FADS1: variants seen among roughly 807,000 people sequenced by gnomAD.
FADS1 encodes acyl-CoA (8-3)-desaturase.
Under a neutral mutation model 61.6 loss-of-function variants are expected in FADS1, and 17 were observed. That is an observed-to-expected ratio of 0.28 (90% CI 0.19 to 0.41). The LOEUF (loss-of-function observed/expected upper bound fraction) is 0.41. Ranked by LOEUF, FADS1 falls within the 10% of genes least tolerant of loss-of-function variation. FADS1 has a pLI of 1.00. For missense variants in FADS1, 387 were observed against 650.9 expected (o/e 0.59, Z 4.41); for synonymous variants, 238 against 258.7 (o/e 0.92, Z 0.77).
chr11:61,809,502 C>A (rs2066917924), intron 5 of FADS1, among the ~76,000 whole-genome samples: 1 of 152,156 alleles, frequency 6.6e-6, no homozygotes. Flanking sequence ...CCAACTGCGT[C>A]CCTTCATTCT....
Position 61,804,853 on chromosome 11 carries a change from G to C in FADS1, c.977-92C>G, listed in dbSNP as rs1332944348. 5.5e-6 allele frequency: 6 copies of C among 1,084,578 alleles called. No individual in the cohort carries two copies. The South Asian group carries it at 7.6e-5, about 14-fold the overall frequency. The allele number at this position is 1,084,578 out of a possible 1,614,324, so 67.2% of individuals were successfully genotyped here. A position where few individuals can be genotyped will look rare whatever the true frequency, so the allele number is the denominator to read the frequency against. ...TTGGGAGAGATGGCCTCTAGCAGGGGGCTGCCTCTTCCAACCATCCCTTCT... is the reference window on the plus strand; with the variant it reads ...TTGGGAGAGATGGCCTCTAGCAGGGCGCTGCCTCTTCCAACCATCCCTTCT... On this transcript the variant is annotated intron_variant, in intron 6 of 11. Coordinates refer to ENST00000350997, the MANE Select transcript of FADS1 (RefSeq NM_013402.7).
chr11:61,806,166 C>T (rs1036375959), intron 6 of FADS1: 46 of 155,150 alleles, frequency 3.0e-4, no homozygotes, highest in Non-Finnish European at 5.4e-4. Context: ...AGGTGAAACC[C>T]CGTCTCTACT....
chr11:61,813,528 T>C, intron 1 of FADS1, 175 bp from the exon 2 acceptor site: 1 of 590,412 alleles, frequency 1.7e-6, no homozygotes, highest in Non-Finnish European at 3.0e-6. Flanking sequence ...TTTCTGTAGC[T>C]AGAGGTTTGT....
chr11:61,816,980 T>C lies in FADS1; in HGVS notation c.-51A>G. The C allele has an allele frequency of 1.5e-6, 2 of 1,351,374 alleles. No homozygotes were observed. The highest frequency in any genetic ancestry group is 1.8e-5 in the South Asian group (1 of 55,028). The allele number at this position is 1,351,374 out of a possible 1,614,324, so 83.7% of individuals were successfully genotyped here. A position where few individuals can be genotyped will look rare whatever the true frequency, so the allele number is the denominator to read the frequency against. ...CGAGATCCCGTCCCCCGGTGGGTCT[T>C]GGGCAACTCACAGCTGGGCTGCCAA... On this transcript the variant is annotated 5_prime_UTR_variant, in exon 1 of 12. Coordinates refer to ENST00000350997, the MANE Select transcript of FADS1 (RefSeq NM_013402.7). The surrounding 1 kb of genome is among the most constrained non-coding windows in gnomAD (Gnocchi z 7.0).
Position 61,813,837 on chromosome 11 carries a change from C to T in FADS1, c.376-484G>A, listed in dbSNP as rs369622258. Among the ~76,000 whole-genome samples the T allele has an allele frequency of 9.6e-4, 145 of 151,750 alleles. 1 individual carries two copies. The highest frequency in any genetic ancestry group is 1.6e-3 in the Non-Finnish European group (107 of 67,926). The stretch of plus-strand genomic sequence containing the variant: ...AAAATTAGCCGGGCGAGGTAGCGGG[C>T]GCCTGTAGTCCCAGCTACTCGGGAG... On this transcript the variant is annotated intron_variant, in intron 1 of 11. Coordinates refer to ENST00000350997, the MANE Select transcript of FADS1 (RefSeq NM_013402.7).
intron 7 of FADS1, chr11:61,804,235 C>T: frequency 4.8e-6 from 1 of 207,870 alleles, no homozygotes. Context: ...CCACCTCTGC[C>T]TGTCAGAAAC....
Position 61,803,154 on chromosome 11 carries a change from G to T in FADS1, c.1249-43C>A. 1 of 1,586,522 alleles carries T rather than the reference G, an allele frequency of 6.3e-7. No homozygotes were observed. The highest frequency in any genetic ancestry group is 8.7e-7 in the Non-Finnish European group (1 of 1,155,420). ...GGGAGAGCATGTTGAATATCAGATG[G>T]AAAGGCCAGCCCAGCATTCTCCAGG... On this transcript the variant is annotated intron_variant, in intron 9 of 11. Coordinates refer to ENST00000350997, the MANE Select transcript of FADS1 (RefSeq NM_013402.7). This position sits in a 1 kb window ranked among gnomAD's most constrained non-coding sequence, Gnocchi z 4.3.
In FADS1 at chr11:61,810,875, G is replaced by C. The variant is rs11548149; in HGVS notation, c.791C>G (p.Ala264Gly). 6.2e-7 allele frequency: 1 copy of C among 1,614,156 alleles called. No individual in the cohort carries two copies. Among genetic ancestry groups the C allele is most frequent in the Admixed American group, 1.7e-5 (1 of 60,018 alleles). The change falls in exon 5 of 12, where the codon GCC becomes GGC. Residue 264 changes from alanine to glycine, a missense_variant. Physicochemically the swap from Ala to Gly is moderately conservative, Grantham distance 60. Coordinates refer to ENST00000350997, the MANE Select transcript of FADS1 (RefSeq NM_013402.7). ...HHFVIGHLKG[A>G]PASWWNHMHF... The stretch of plus-strand genomic sequence containing the variant: ...CATGTGGTTCCACCAACTGGCGGGG[G>C]CCCCCTACAGAAAAGCAGGGACACG...
chr11:61,805,222 A>C, intron 6 of FADS1: 1 of 179,664 alleles, frequency 5.6e-6, no homozygotes, highest in Non-Finnish European at 1.2e-5. Context: ...CAGCTCCACC[A>C]TGCAGGTGAA....
In FADS1 at chr11:61,801,452, T is replaced by A. The variant is rs904519793; in HGVS notation, c.*959A>T. ...TAAAGAGGTGAAAAGAAGAGGTGAA[T>A]TAAAAGATGAAAGAGCTTTTTAAAT... is the stretch of plus-strand genomic sequence containing the variant. On this transcript the variant is annotated 3_prime_UTR_variant, in exon 12 of 12. Transcript: ENST00000350997. The A allele has an allele frequency of 4.6e-5, 7 of 152,356 alleles. No individual in the cohort carries two copies. Among genetic ancestry groups the A allele is most frequent in the African/African-American group, 1.7e-4 (7 of 41,458 alleles). 9.4% of individuals were successfully genotyped at this position (152,356 alleles called of 1,614,324 possible).
At position 61,816,219 on chromosome 11, in the gene FADS1, C is replaced by T; in HGVS notation, c.375+336G>A. On this transcript the variant is annotated intron_variant, in intron 1 of 11. Coordinates refer to ENST00000350997, the MANE Select transcript of FADS1 (RefSeq NM_013402.7). The surrounding 1 kb of genome is among the most constrained non-coding windows in gnomAD (Gnocchi z 7.0). ...GCGGCCTGCATCCTTGCTCTCCTCC[C>T]TCCTAGCCTACCCAGCTCGGGGTTC... 6.3e-7 allele frequency: 1 copy of T among 1,584,276 alleles called. No individual in the cohort carries two copies. The highest frequency in any genetic ancestry group is 2.2e-5 in the East Asian group (1 of 44,810).
Position 61,816,889 on chromosome 11 carries a change from C to CCGCAGGGCAGACCGGCGGGCCT in FADS1, c.19_40dup (p.Gly14GlufsTer10), listed in dbSNP as rs755222781. 10 of 1,459,742 alleles carry CCGCAGGGCAGACCGGCGGGCCT rather than the reference C, an allele frequency of 6.9e-6. No homozygotes were observed. In the South Asian group the frequency reaches 1.3e-4, roughly 20 times the overall value. The allele number at this position is 1,459,742 out of a possible 1,614,324, so 90.4% of individuals were successfully genotyped here. On this transcript the variant is annotated frameshift_variant, in exon 1 of 12. Transcript: ENST00000350997. LOFTEE classifies it high-confidence loss of function. This position sits in a 1 kb window ranked among gnomAD's most constrained non-coding sequence, Gnocchi z 7.0. ...CCGCCTGCGCGCCGGGTTTTCAGCA[C>CCGCAGGGCAGACCGGCGGGCCT]CGCAGGGCAGACCGGCGGGCCTCGC... is the stretch of plus-strand genomic sequence containing the variant.
intron 7 of FADS1, 32 bp downstream of exon 7, chr11:61,804,653 G>A: frequency 6.3e-7 from 1 of 1,590,090 alleles, no homozygotes; most frequent in Non-Finnish European, 8.6e-7. Flanking sequence ...CTGGAGACAA[G>A]GATGTGGGCT....
At position 61,802,942 on chromosome 11, in the gene FADS1, G is replaced by A. The variant is rs763047257; in HGVS notation, c.1329-16C>T. On this transcript the variant is annotated splice_polypyrimidine_tract_variant and intron_variant, in intron 10 of 11. Coordinates refer to ENST00000350997, the MANE Select transcript of FADS1 (RefSeq NM_013402.7). This position sits in a 1 kb window ranked among gnomAD's most constrained non-coding sequence, Gnocchi z 4.2. ...GGGAAAAAGACTTTAGGGAGAACGG[G>A]GGAGTCAGTGGTTCCTGCTTCTCTG... 1.9e-6 allele frequency: 3 copies of A among 1,612,916 alleles called. 1 individual carries two copies. In the South Asian group the frequency reaches 3.3e-5, roughly 18 times the overall value.
Position 61,813,907 on chromosome 11 carries a change from TG to T in FADS1, c.376-555del, listed in dbSNP as rs1458408851. ...GTGAACCCCGGGGGAGGGCGGAGCC[TG>T]CAGTGAGCCGAGATCGCGCCACTGC... On this transcript the variant is annotated intron_variant, in intron 1 of 11. Transcript: ENST00000350997. 6.4e-5 allele frequency among the ~76,000 whole-genome samples: 9 copies of T among 141,450 alleles called. No individual in the cohort carries two copies. The Admixed American group carries it at 6.7e-4, about 11-fold the overall frequency. The allele number at this position is 141,450 out of a possible 152,430, so 92.8% of individuals were successfully genotyped here.
intron 2 of FADS1, 24 bp downstream of exon 2, chr11:61,813,219 G>C (rs772469600): frequency 7.1e-7 from 1 of 1,408,556 alleles, no homozygotes; most frequent in African/African-American, 1.4e-5. Context: ...CAATAGTTGC[G>C]ACATAGCAAA....
chr11:61,802,570 C>A lies in FADS1; in HGVS notation c.1455-108G>T. 1 of 1,283,740 alleles carries A rather than the reference C, an allele frequency of 7.8e-7. No individual in the cohort carries two copies. Among genetic ancestry groups the A allele is most frequent in the Non-Finnish European group, 1.1e-6 (1 of 907,162 alleles). 79.5% of individuals were successfully genotyped at this position (1,283,740 alleles called of 1,614,324 possible). A position where few individuals can be genotyped will look rare whatever the true frequency, so the allele number is the denominator to read the frequency against. ...TTCTTCCATCTGGAGGTTTTCCTCC[C>A]CTCTACTTTAGAGAAAGCTAGCTTG... On this transcript the variant is annotated intron_variant, in intron 11 of 11. Coordinates refer to ENST00000350997, the MANE Select transcript of FADS1 (RefSeq NM_013402.7). The surrounding 1 kb of genome is among the most constrained non-coding windows in gnomAD (Gnocchi z 4.2).
In FADS1 at chr11:61,813,408, C is replaced by T. The variant is rs916591939; in HGVS notation, c.376-55G>A. Reference sequence around the variant, plus strand: ...AGGGAGCCAGCCCCCTGGACTCCGGCAGTGTTCGCACCAAAGGCCATCCTC... The same window carrying T: ...AGGGAGCCAGCCCCCTGGACTCCGGTAGTGTTCGCACCAAAGGCCATCCTC... On this transcript the variant is annotated intron_variant, in intron 1 of 11. Coordinates refer to ENST00000350997, the MANE Select transcript of FADS1 (RefSeq NM_013402.7). 3 of 1,042,132 alleles carry T rather than the reference C, an allele frequency of 2.9e-6. No individual in the cohort carries two copies. The African/African-American group carries it at 4.8e-5, about 17-fold the overall frequency. The allele number at this position is 1,042,132 out of a possible 1,614,324, so 64.6% of individuals were successfully genotyped here. A position where few individuals can be genotyped will look rare whatever the true frequency, so the allele number is the denominator to read the frequency against.
At chr11:61,810,913 T>C in intron 4 of FADS1, 34 bp from the exon 5 acceptor site, 1 of 1,614,094 alleles carries the variant, frequency 6.2e-7, no homozygotes, top group Non-Finnish European at 8.5e-7. Flanking sequence ...TATGAAAAGC[T>C]TCCCCCAAGG....
Sources: allele counts gnomAD v4.1 joint callset (sites outside exome capture counted in the v4.1 genomes callset), GRCh38; gene constraint gnomAD v4.1.1; non-coding constraint Gnocchi (gnomAD v3.1); transcripts MANE v1.5; gene names NCBI Gene and HGNC (gene_info 2026-07-23, HGNC 2026-07-21).